The following TEX26 variants were observed in gnomAD, a reference collection of about 807,000 sequenced individuals.
TEX26 encodes testis-expressed protein 26.
Under a neutral mutation model 35.3 loss-of-function variants are expected in TEX26, and 34 were observed. The observed-to-expected ratio is 0.96, with a 90% CI of 0.73 to 1.28. TEX26 has a LOEUF of 1.28. Ranked by LOEUF, TEX26 falls within the 50% of genes most tolerant of loss-of-function variation. TEX26 has a pLI of 0.00. For synonymous variants in TEX26, 136 were observed against 111.8 expected (o/e 1.22, Z -1.36); for missense variants, 371 against 330.1 (o/e 1.12, Z -0.96).
rs1270143315 is a variant in TEX26 at position 30,935,288 on chromosome 13, G to A, written c.61+2512G>A. Among the ~76,000 whole-genome samples, 4 of 152,354 alleles carry A rather than the reference G, an allele frequency of 2.6e-5. No individual in the cohort carries two copies. The South Asian group carries it at 8.3e-4, about 32-fold the overall frequency. On this transcript the variant is annotated intron_variant, in intron 1 of 6. Transcript: ENST00000380473. ...TGGGTGGAAGGGGCTGGGGTCCCCA[G>A]TAAGGCCCCACCCTCTGACCAGGGA...
Position 30,966,275 on chromosome 13 carries a change from C to T in TEX26, c.523C>T (p.Pro175Ser). Residue 175 changes from proline to serine, a missense_variant, in exon 5 of 7, where the codon CCC (proline) becomes TCC (serine). Pro to Ser is a moderately conservative substitution (Grantham distance 74). Coordinates refer to ENST00000380473, the MANE Select transcript of TEX26 (RefSeq NM_152325.3). ...HLSLEWKKLL[P>S]QPPDTEFRRN... ...GTCTCTGGAATGGAAAAAGTTACTT[C>T]CCCAACCTCCAGACACTGAATTCCG... 1 of 1,614,096 alleles carries T rather than the reference C, an allele frequency of 6.2e-7. No homozygotes were observed. The highest frequency in any genetic ancestry group is 8.5e-7 in the Non-Finnish European group (1 of 1,180,022).
At chr13:30,941,635 C>T (rs1456931537) in intron 2 of TEX26, among the ~76,000 whole-genome samples, 1 of 152,158 alleles carries the variant, frequency 6.6e-6, no homozygotes, top group African/African-American at 2.4e-5. Context: ...TTTTATTCCT[C>T]ACCCACTGCC....
chr13:30,965,239 A>G (rs1425252195), intron 4 of TEX26, among the ~76,000 whole-genome samples: 1 of 152,212 alleles, frequency 6.6e-6, no homozygotes, highest in Non-Finnish European at 1.5e-5. Context: ...ATCATTTTTA[A>G]AAAATCAATA....
At chr13:30,950,032 G>A (rs1161134386) in intron 2 of TEX26, among the ~76,000 whole-genome samples, 1 of 152,048 alleles carries the variant, frequency 6.6e-6, no homozygotes, top group African/African-American at 2.4e-5. Flanking sequence ...ATACTTTATT[G>A]AATGATTAAT....
chr13:30,969,083 C>T (rs756531593), intron 6 of TEX26, 37 bp downstream of exon 6: 2 of 1,538,862 alleles, frequency 1.3e-6, no homozygotes, highest in East Asian at 4.6e-5. Flanking sequence ...TTACAGATCA[C>T]AATACATTGC....
rs755265118 is a variant in TEX26, at chr13:30,957,046, TTC to T, written c.469+19_469+20del. The T allele has an allele frequency of 1.1e-5, 18 of 1,610,604 alleles. No homozygotes were observed. In the South Asian group the frequency reaches 2.0e-4, roughly 18 times the overall value. On this transcript the variant is annotated intron_variant, in intron 4 of 6. Transcript: ENST00000380473. ...GATCAAAAGGTAAACACTTTTGTTT[TTC>T]TTTTTTTCCTGGGTCATGTGGTAGG...
In TEX26 at chr13:30,939,901, G is replaced by C. The variant is rs559119044; in HGVS notation, c.146+123G>C. On this transcript the variant is annotated intron_variant, in intron 2 of 6. Transcript: ENST00000380473. ...GCTTCGTAAAAATGCTCTTGGATAC[G>C]GGCTACTGTGTGCACACCTCTGCTC... The C allele has an allele frequency of 4.8e-6, 4 of 835,344 alleles. No individual in the cohort carries two copies. The African/African-American group carries it at 6.8e-5, about 14-fold the overall frequency. The allele number at this position is 835,344 out of a possible 1,614,324, so 51.7% of individuals were successfully genotyped here. A position where few individuals can be genotyped will look rare whatever the true frequency, so the allele number is the denominator to read the frequency against.
chr13:30,972,972 C>T (rs926403455), intron 6 of TEX26, among the ~76,000 whole-genome samples: 29 of 152,198 alleles, frequency 1.9e-4, no homozygotes, highest in African/African-American at 6.0e-4. Flanking sequence ...ACAGGTCTGG[C>T]AGCTTCTGCT....
intron 4 of TEX26, among the ~76,000 whole-genome samples, chr13:30,962,980 G>A (rs1954401523): frequency 6.7e-6 from 1 of 149,044 alleles, no homozygotes; most frequent in South Asian, 2.1e-4. Context: ...CTGCCACCAT[G>A]CCCAGCTAAT....
intron 3 of TEX26, among the ~76,000 whole-genome samples, chr13:30,954,750 G>T (rs1954064021): frequency 6.6e-6 from 1 of 152,166 alleles, no homozygotes; most frequent in African/African-American, 2.4e-5. Flanking sequence ...GAGACACTAT[G>T]CTTGGTCATC....
chr13:30,939,825 G>C (rs758075152), intron 2 of TEX26, 47 bp downstream of exon 2: 2 of 1,532,422 alleles, frequency 1.3e-6, no homozygotes, highest in African/African-American at 2.7e-5. Flanking sequence ...TTAATTTGTT[G>C]ACTTGTCTTT....
At chr13:30,963,769 G>A (rs1489835619) in intron 4 of TEX26, among the ~76,000 whole-genome samples, 1 of 152,084 alleles carries the variant, frequency 6.6e-6, no homozygotes, top group African/African-American at 2.4e-5. Flanking sequence ...TTATTTCCAT[G>A]TGAGATCTAC....
chr13:30,959,519 T>C (rs1954258646), intron 4 of TEX26, among the ~76,000 whole-genome samples: 1 of 152,346 alleles, frequency 6.6e-6, no homozygotes, highest in Admixed American at 6.5e-5. Flanking sequence ...TATATTATGA[T>C]ATGACATACT....
At chr13:30,967,398 C>T (rs1254892475) in intron 5 of TEX26, among the ~76,000 whole-genome samples, 1 of 152,186 alleles carries the variant, frequency 6.6e-6, no homozygotes, top group Non-Finnish European at 1.5e-5. Flanking sequence ...GTAGCCCCAT[C>T]CCCCTTCGTT....
rs1200613265 is a variant in TEX26, at chr13:30,966,383, G to T, written c.631G>T (p.Ala211Ser). 5 of 1,611,314 alleles carry T rather than the reference G, an allele frequency of 3.1e-6. No individual in the cohort carries two copies. Among genetic ancestry groups the T allele is most frequent in the Non-Finnish European group, 4.2e-6 (5 of 1,179,002 alleles). ...KYGCYSSLPVASQGLVPSVLH... is the reference protein window; with the variant it reads ...KYGCYSSLPVSSQGLVPSVLH... ...TGGATGCTACTCAAGCTTGCCTGTT[G>T]CTTCTCAGGGTCTAGGTGAGTACAG... Residue 211 changes from alanine to serine, a missense_variant, in exon 5 of 7, where the codon GCT becomes TCT. Ala to Ser is a moderately conservative substitution (Grantham distance 99). Transcript: ENST00000380473.
intron 4 of TEX26, among the ~76,000 whole-genome samples, chr13:30,958,995 T>A (rs144253713): frequency 6.6e-6 from 1 of 152,306 alleles, no homozygotes; most frequent in African/African-American, 2.4e-5. Context: ...AAACTCAGTG[T>A]GGTTAAGCAA....
At chr13:30,944,495 T>C (rs1310160306) in intron 2 of TEX26, among the ~76,000 whole-genome samples, 1 of 152,042 alleles carries the variant, frequency 6.6e-6, no homozygotes, top group Non-Finnish European at 1.5e-5. Context: ...TTGGGTTTAG[T>C]TTGTTTTTGT....
intron 1 of TEX26, among the ~76,000 whole-genome samples, chr13:30,934,871 C>A (rs1467354972): frequency 1.3e-5 from 2 of 152,202 alleles, no homozygotes; most frequent in Admixed American, 1.3e-4. Flanking sequence ...CTCCCTGTGC[C>A]TCTGAGCCTC....
At position 30,939,765 on chromosome 13, in the gene TEX26, C is replaced by T. The variant is rs778384025; in HGVS notation, c.133C>T (p.Pro45Ser). The change falls in exon 2 of 7, where the codon CCT (proline) becomes TCT (serine). Residue 45 changes from proline to serine, a missense_variant. Physicochemically the swap from Pro to Ser is moderately conservative, Grantham distance 74. Transcript: ENST00000380473. Reference protein sequence around the residue: ...TAFTPKTGAVPALIRQNGIRR... With the variant: ...TAFTPKTGAVSALIRQNGIRR... ...ATTCACGCCTAAAACAGGAGCAGTG[C>T]CTGCCTTAATTCGGTAGATCATTAT... 3 of 1,613,750 alleles carry T rather than the reference C, an allele frequency of 1.9e-6. No individual in the cohort carries two copies. The highest frequency in any genetic ancestry group is 1.1e-5 in the South Asian group (1 of 91,058).
Sources: allele counts gnomAD v4.1 joint callset (sites outside exome capture counted in the v4.1 genomes callset), GRCh38; gene constraint gnomAD v4.1.1; transcripts MANE v1.5; gene names NCBI Gene and HGNC (gene_info 2026-07-23, HGNC 2026-07-21).